The following OR1F1 variants were observed in gnomAD, a reference collection of about 807,000 sequenced individuals.
The protein encoded by OR1F1 is olfactory receptor family 1 subfamily F member 1, also known as olfactory receptor 1F1.
For missense variants in OR1F1, 493 were observed against 376.3 expected (o/e 1.31, Z -2.57); for synonymous variants, 184 against 156.7 (o/e 1.17, Z -1.30).
At chr16:3,199,249 G>A (rs1406820622), upstream of OR1F1, among the ~76,000 whole-genome samples, 1 of 151,314 alleles carries the variant, frequency 6.6e-6, no homozygotes, top group Admixed American at 6.6e-5. Context: ...ACTTCAGTGA[G>A]CTGTGTTCAT....
At chr16:3,196,123 C>T in the OR1F1 span, among the ~76,000 whole-genome samples, 2 of 152,258 alleles carry the variant, frequency 1.3e-5, no homozygotes, top group African/African-American at 4.8e-5. Flanking sequence ...GGTGAGCACA[C>T]ACTCCATTAT....
upstream of OR1F1, among the ~76,000 whole-genome samples, chr16:3,200,126 G>A (rs143511670): frequency 5.6e-4 from 85 of 152,224 alleles, no homozygotes; most frequent in African/African-American, 1.9e-3. Context: ...AAAGATGCAC[G>A]AGGGAGACTC....
At chr16:3,205,944 A>G (rs1013814811), downstream of OR1F1, among the ~76,000 whole-genome samples, 1 of 152,246 alleles carries the variant, frequency 6.6e-6, no homozygotes, top group Non-Finnish European at 1.5e-5. Context: ...ACAAGGGAAG[A>G]TAATCATAAG....
chr16:3,192,476 G>A, the OR1F1 span, among the ~76,000 whole-genome samples: 1 of 152,222 alleles, frequency 6.6e-6, no homozygotes, highest in East Asian at 1.9e-4. Context: ...TTAGAATATG[G>A]ATTGTATATT....
At chr16:3,203,567 C>A (rs1479992161), upstream of OR1F1, among the ~76,000 whole-genome samples, 1 of 152,164 alleles carries the variant, frequency 6.6e-6, no homozygotes, top group Non-Finnish European at 1.5e-5. Context: ...AGATAGAGAC[C>A]ATCATGGCCA....
chr16:3,203,261 G>A (rs78565524), upstream of OR1F1, among the ~76,000 whole-genome samples: 4,787 of 152,272 alleles, frequency 0.031, 232 homozygotes, highest in African/African-American at 0.1. Flanking sequence ...AGGCTCCTGT[G>A]AAGAGCTTGC....
At chr16:3,205,133 A>G (rs1958190128) in exon 1 of OR1F1, 1 of 1,613,384 alleles carries the variant, frequency 6.2e-7, no homozygotes, top group African/African-American at 1.3e-5. Flanking sequence ...AGGAACAGGT[A>G]CTTGAAAGGG....
chr16:3,193,236 C>A, the OR1F1 span, among the ~76,000 whole-genome samples: 1 of 152,220 alleles, frequency 6.6e-6, no homozygotes, highest in East Asian at 1.9e-4. Flanking sequence ...CCTGCAGGAT[C>A]TTTTGTCATG....
exon 1 of OR1F1, chr16:3,205,180 G>C (rs1300542898): frequency 6.2e-7 from 1 of 1,603,668 alleles, no homozygotes; most frequent in Admixed American, 1.7e-5. Flanking sequence ...GGTGTTTTCT[G>C]TCTGATGAAA....
the OR1F1 span, among the ~76,000 whole-genome samples, chr16:3,196,727 G>A: frequency 1.4e-5 from 2 of 144,372 alleles, no homozygotes; most frequent in Non-Finnish European, 3.0e-5. Context: ...TTGAAATGGA[G>A]TTTCGCTGTT....
At chr16:3,204,926 A>G (rs993608246) in exon 1 of OR1F1, 1 of 1,614,162 alleles carries the variant, frequency 6.2e-7, no homozygotes, top group Non-Finnish European at 8.5e-7. Context: ...ACTGTCCTGA[A>G]GGTCCCATCC....
exon 1 of OR1F1, chr16:3,204,545 A>G (rs1034235190): frequency 6.2e-7 from 1 of 1,614,146 alleles, no homozygotes; most frequent in Non-Finnish European, 8.5e-7. Flanking sequence ...TGTCTCACAC[A>G]GATGTATTTC....
the OR1F1 span, among the ~76,000 whole-genome samples, chr16:3,196,555 T>A: frequency 1.3e-5 from 2 of 151,896 alleles, no homozygotes; most frequent in East Asian, 1.9e-4. Context: ...AGCTAATTTT[T>A]AAAATTATTT....
chr16:3,204,908 T>C (rs559079199), exon 1 of OR1F1: 2 of 1,614,168 alleles, frequency 1.2e-6, no homozygotes, highest in South Asian at 2.2e-5. Context: ...TATATGCACA[T>C]CACCTGCACT....
At chr16:3,201,715 G>GA (rs1958137535), upstream of OR1F1, among the ~76,000 whole-genome samples, 2 of 152,140 alleles carry the variant, frequency 1.3e-5, no homozygotes, top group African/African-American at 4.8e-5. Flanking sequence ...GTTGAGGTAG[G>GA]AAGCAGGGCT....
upstream of OR1F1, among the ~76,000 whole-genome samples, chr16:3,202,702 T>A (rs1436005958): frequency 7.3e-6 from 1 of 137,310 alleles, no homozygotes. Context: ...ATAATAATAA[T>A]AATAACAATT....
chr16:3,201,797 C>T (rs1415299776), upstream of OR1F1, among the ~76,000 whole-genome samples: 1 of 152,132 alleles, frequency 6.6e-6, no homozygotes, highest in African/African-American at 2.4e-5. Context: ...GACATACCCA[C>T]CAGTGACACC....
At chr16:3,192,238 A>G in the OR1F1 span, among the ~76,000 whole-genome samples, 3 of 152,146 alleles carry the variant, frequency 2.0e-5, no homozygotes, top group African/African-American at 7.2e-5. Flanking sequence ...TTGTATTTTT[A>G]GTAGAGATGG....
At chr16:3,205,032 T>G (rs1334585561) in exon 1 of OR1F1, 2 of 1,614,150 alleles carry the variant, frequency 1.2e-6, no homozygotes, top group South Asian at 2.2e-5. Context: ...ATTTTAACCC[T>G]CTGTCCTCCC....
Sources: gnomAD v4.1 joint callset for allele counts (sites outside exome capture counted in the v4.1 genomes callset) on GRCh38, gnomAD v4.1.1 for gene constraint, MANE v1.5 for transcripts, NCBI Gene and HGNC (gene_info 2026-07-23, HGNC 2026-07-21) for gene names.